Variants in JAKMIP2 observed in about 807,000 individuals in gnomAD.
JAKMIP2 encodes the protein janus kinase and microtubule interacting protein 2.
Under a neutral mutation model 115.0 loss-of-function variants are expected in JAKMIP2, and 25 were observed. The ratio of observed to expected loss-of-function variants is 0.22; its 90% CI spans 0.16 to 0.30. The LOEUF is 0.30. JAKMIP2 is among the 10% of genes least tolerant of loss of function. The pLI is 1.00. For synonymous variants in JAKMIP2, 334 were observed against 343.6 expected, an observed-to-expected ratio of 0.97 and a Z score of 0.31; for missense variants, 642 against 957.6, an observed-to-expected ratio of 0.67 and a Z score of 4.35.
chr5:147,751,260 T>TTTG (rs1305211470), intron 1 of JAKMIP2, among the ~76,000 whole-genome samples: 66 of 150,692 alleles, frequency 4.4e-4, no homozygotes, highest in African/African-American at 1.6e-3. Context: ...GTTGTTGTTT[T>TTTG]TTTTTTTTTT....
chr5:147,656,636 TC>T (rs1758691082), intron 3 of JAKMIP2, among the ~76,000 whole-genome samples: 1 of 152,230 alleles, frequency 6.6e-6, no homozygotes, highest in African/African-American at 2.4e-5. Flanking sequence ...TCACTTTTTA[TC>T]CAATTTGCTA....
intron 20 of JAKMIP2, among the ~76,000 whole-genome samples, chr5:147,602,172 T>G (rs1322466250): frequency 1.3e-5 from 2 of 152,226 alleles, no homozygotes; most frequent in African/African-American, 4.8e-5. Flanking sequence ...TACTTTATTA[T>G]ATATCACTGT....
chr5:147,645,731 G>A (rs1003347364), intron 5 of JAKMIP2, among the ~76,000 whole-genome samples: 2 of 152,062 alleles, frequency 1.3e-5, no homozygotes, highest in African/African-American at 4.8e-5. Context: ...TTGATGTAAG[G>A]TGTCCTGTGC....
intron 1 of JAKMIP2, among the ~76,000 whole-genome samples, chr5:147,757,976 C>A (rs1442156210): frequency 6.6e-6 from 1 of 152,082 alleles, no homozygotes; most frequent in Non-Finnish European, 1.5e-5. Flanking sequence ...AAATATGAGC[C>A]ATGACATTTT....
chr5:147,733,780 C>A (rs1753820136), intron 1 of JAKMIP2, among the ~76,000 whole-genome samples: 1 of 152,180 alleles, frequency 6.6e-6, no homozygotes, highest in Admixed American at 6.5e-5. Flanking sequence ...CATGTCCCTA[C>A]AAAGGACACA....
chr5:147,692,750 G>A (rs1249962895), intron 1 of JAKMIP2, among the ~76,000 whole-genome samples: 1 of 152,080 alleles, frequency 6.6e-6, no homozygotes, highest in African/African-American at 2.4e-5. Context: ...ATGCGGAAAC[G>A]GTCCATTTGA....
intron 20 of JAKMIP2, among the ~76,000 whole-genome samples, chr5:147,608,220 T>G (rs1381072688): frequency 6.6e-6 from 1 of 152,218 alleles, no homozygotes; most frequent in Non-Finnish European, 1.5e-5. Flanking sequence ...TGCTAACTTT[T>G]GAATTTGTTT....
chr5:147,625,298 G>A (rs1442208819), intron 16 of JAKMIP2, among the ~76,000 whole-genome samples: 1 of 152,170 alleles, frequency 6.6e-6, no homozygotes, highest in East Asian at 1.9e-4. Flanking sequence ...GTTCTTTCTA[G>A]GTTACCTGTG....
At chr5:147,756,480 C>G (rs1754749395) in intron 1 of JAKMIP2, among the ~76,000 whole-genome samples, 1 of 152,142 alleles carries the variant, frequency 6.6e-6, no homozygotes, top group Non-Finnish European at 1.5e-5. Flanking sequence ...CAGGAAAGAC[C>G]TTGCTCGGCA....
intron 1 of JAKMIP2, among the ~76,000 whole-genome samples, chr5:147,726,796 G>A (rs1753537459): frequency 3.9e-5 from 6 of 152,200 alleles, no homozygotes; most frequent in Admixed American, 3.3e-4. Context: ...GGAAGCTTGA[G>A]CTTGTGACCA....
In JAKMIP2 at chr5:147,721,704, C is replaced by T. The variant is rs534323201; in HGVS notation, c.-148-49750G>A. ...AGTGAGGCAATGCCTCTCCCTGCTT[C>T]GGCTCGCGCACGGTGCGCGCACCCA... On this transcript the variant is annotated intron_variant, in intron 1 of 21. Coordinates refer to ENST00000616793, the MANE Select transcript of JAKMIP2 (RefSeq NM_001270941.2). Among the ~76,000 whole-genome samples, 4 of 152,276 alleles carry T rather than the reference C, an allele frequency of 2.6e-5. No individual in the cohort carries two copies. The South Asian group carries it at 6.2e-4, about 24-fold the overall frequency.
intron 1 of JAKMIP2, among the ~76,000 whole-genome samples, chr5:147,779,326 A>G (rs930180823): frequency 1.3e-5 from 2 of 152,138 alleles, no homozygotes; most frequent in African/African-American, 4.8e-5. Context: ...TCTAACATGA[A>G]TGACATTTTT....
At chr5:147,709,621 C>A (rs543314762) in intron 1 of JAKMIP2, among the ~76,000 whole-genome samples, 2 of 151,968 alleles carry the variant, frequency 1.3e-5, no homozygotes, top group Non-Finnish European at 2.9e-5. Context: ...AAGGCCGAGG[C>A]GGGTGGATCA....
intron 1 of JAKMIP2, among the ~76,000 whole-genome samples, chr5:147,711,482 C>A (rs1395227956): frequency 6.6e-6 from 1 of 152,110 alleles, no homozygotes; most frequent in Non-Finnish European, 1.5e-5. Flanking sequence ...GCAAAGGGGG[C>A]ATATTGGTTA....
chr5:147,755,191 G>A (rs1430700560), intron 1 of JAKMIP2, among the ~76,000 whole-genome samples: 1 of 152,148 alleles, frequency 6.6e-6, no homozygotes, highest in African/African-American at 2.4e-5. Context: ...GGAGGTTATT[G>A]AAACAATCCA....
At chr5:147,593,350 C>G (rs758991162) in intron 21 of JAKMIP2, among the ~76,000 whole-genome samples, 1 of 152,208 alleles carries the variant, frequency 6.6e-6, no homozygotes, top group Non-Finnish European at 1.5e-5. Flanking sequence ...GAATGGCCAG[C>G]CTTTGGTCAC....
chr5:147,625,546 A>G (rs1156720979), intron 16 of JAKMIP2, among the ~76,000 whole-genome samples: 1 of 152,196 alleles, frequency 6.6e-6, no homozygotes, highest in African/African-American at 2.4e-5. Context: ...TCCAAAACCT[A>G]AAATCCTTCA....
Position 147,612,325 on chromosome 5 carries a change from A to G in JAKMIP2, c.2393T>C (p.Ile798Thr), listed in dbSNP as rs1462079375. 1.9e-6 allele frequency: 3 copies of G among 1,554,942 alleles called. No homozygotes were observed. The highest frequency in any genetic ancestry group is 2.7e-6 in the Non-Finnish European group (3 of 1,131,044). The change falls in exon 20 of 22, where the codon ATA becomes ACA. Residue 798 changes from isoleucine (I) to threonine (T), a missense_variant. This residue lies in a region of JAKMIP2 where 26 missense variants were observed against 50.5 expected (regional missense o/e 0.51). Transcript: ENST00000616793. ...ACCTACCTTTTCTTCTAAGTCTTTT[A>G]TTTGTCTTTTCTGGATGTCTGTTTT... ...EDKTDIQKRQIKDLEEKFLFL... is the reference protein window; with the variant it reads ...EDKTDIQKRQTKDLEEKFLFL...
At position 147,600,488 on chromosome 5, in the gene JAKMIP2, ATGTTAAAT is replaced by A. The variant is rs1755639799; in HGVS notation, c.*20+1245_*20+1252del. ...TCTGTTTTCCAACTTGCTGTAGAAA[ATGTTAAAT>A]CACCTGAGGTCCAGGAAAGATCTCA... On this transcript the variant is annotated intron_variant, in intron 21 of 21. Transcript: ENST00000616793. Among the ~76,000 whole-genome samples, 21 of 152,276 alleles carry A rather than the reference ATGTTAAAT, an allele frequency of 1.4e-4. No homozygotes were observed. In the South Asian group the frequency reaches 4.4e-3, roughly 32 times the overall value.
Sources: allele counts gnomAD v4.1 joint callset (sites outside exome capture counted in the v4.1 genomes callset), GRCh38; gene constraint gnomAD v4.1.1; regional missense constraint gnomAD v4.1.1; transcripts MANE v1.5; gene names NCBI Gene and HGNC (gene_info 2026-07-23, HGNC 2026-07-21).